Variants in KRI1 observed in about 807,000 individuals in gnomAD.
The protein encoded by KRI1 is protein KRI1 homolog.
Under a neutral mutation model 97.0 loss-of-function variants are expected in KRI1, and 83 were observed. The observed-to-expected ratio is 0.86, with a 90% confidence interval of 0.72 to 1.03. The LOEUF (loss-of-function observed/expected upper bound fraction) is 1.03. Among genes scored for constraint, KRI1 ranks in the 50% least tolerant of loss-of-function variants. KRI1 has a pLI of 0.00. For missense variants in KRI1, 916 were observed against 928.4 expected (o/e 0.99, Z 0.17); for synonymous variants, 371 against 363.5 (o/e 1.02, Z -0.23).
chr19:10,560,634 T>C (rs1267751862), intron 8 of KRI1, among the ~76,000 whole-genome samples, 186 bp from the exon 9 acceptor site: 1 of 152,172 alleles, frequency 6.6e-6, no homozygotes, highest in Admixed American at 6.5e-5. Flanking sequence ...CGTGTGATCA[T>C]AGCTCACTGC....
chr19:10,557,920 C>A, intron 14 of KRI1, 25 bp from the exon 15 acceptor site: 2 of 1,613,712 alleles, frequency 1.2e-6, no homozygotes, highest in East Asian at 2.2e-5. Flanking sequence ...AGGTCAGATC[C>A]CACCAGCCCC....
Position 10,553,825 on chromosome 19 carries a change from G to A in KRI1, c.*126C>T, listed in dbSNP as rs1916398838. The A allele has an allele frequency of 9.3e-6, 8 of 857,970 alleles. No individual in the cohort carries two copies. In the Middle Eastern group the frequency reaches 1.1e-3, roughly 113 times the overall value. 53.1% of individuals were successfully genotyped at this position (857,970 alleles called of 1,614,324 possible). ...TTTCACCTCGGCCTCCCAAAGTGCT[G>A]GGATTACAGGCGTGCCTGGCCACAG... is the stretch of plus-strand genomic sequence containing the variant. On this transcript the variant is annotated 3_prime_UTR_variant, in exon 19 of 19. Coordinates refer to ENST00000312962, the MANE Select transcript of KRI1 (RefSeq NM_023008.5).
intron 8 of KRI1, among the ~76,000 whole-genome samples, 194 bp from the exon 9 acceptor site, chr19:10,560,642 T>G (rs1055219497): frequency 6.6e-6 from 1 of 152,160 alleles, no homozygotes; most frequent in African/African-American, 2.4e-5. Context: ...CATAGCTCAC[T>G]GCAGACCCAA....
rs562739044 is a variant in KRI1, at chr19:10,555,300, T to G, written c.1667A>C (p.Lys556Thr). The change falls in exon 17 of 19, where the codon AAG becomes ACG. Residue 556 changes from lysine (K) to threonine (T), a missense_variant. Physicochemically the swap from Lys to Thr is moderately conservative, Grantham distance 78. Around this residue, in one of 3 missense-constraint regions of KRI1, gnomAD observed 672 missense variants for 667.2 expected, o/e 1.01. Coordinates refer to ENST00000312962, the MANE Select transcript of KRI1 (RefSeq NM_023008.5). ...GCCCCATCACCTGTACATGCAGGTC[T>G]TCTTTAGGGAGCACCACCGGTTCAG... Reference protein sequence around the residue: ...KELNRWCSLKKTCMYRSEQEE... With the variant: ...KELNRWCSLKTTCMYRSEQEE... The G allele has an allele frequency of 1.4e-5, 22 of 1,599,796 alleles. No individual in the cohort carries two copies. In the Middle Eastern group the frequency reaches 5.2e-4, roughly 38 times the overall value.
At position 10,559,607 on chromosome 19, in the gene KRI1, A is replaced by G. The variant is rs1303746536; in HGVS notation, c.1023+6T>C. ...GGGTCCTCCCCAGCTCACCCCCCAC[A>G]CTCACCCTCTTCTTTCGCTCCCGAG... On this transcript the variant is annotated splice_donor_region_variant and intron_variant, in intron 11 of 18. Transcript: ENST00000312962. 1 of 1,613,238 alleles carries G rather than the reference A, an allele frequency of 6.2e-7. No homozygotes were observed. The highest frequency in any genetic ancestry group is 1.7e-5 in the Admixed American group (1 of 59,920).
rs141422327 is a variant in KRI1, at chr19:10,553,678, T to C, written c.*273A>G. 2.2e-3 allele frequency: 894 copies of C among 399,842 alleles called. 18 individuals are homozygous for C. The East Asian group carries it at 0.033, about 15-fold the overall frequency. 24.8% of individuals were successfully genotyped at this position (399,842 alleles called of 1,614,324 possible). On this transcript the variant is annotated 3_prime_UTR_variant, in exon 19 of 19. Transcript: ENST00000312962. Reference sequence around the variant, plus strand: ...GTAGCCTCAAACTCATGGCCTTAAGTGATCTTCCTTCCCCAGCCTCCTGAG... The same window carrying C: ...GTAGCCTCAAACTCATGGCCTTAAGCGATCTTCCTTCCCCAGCCTCCTGAG...
Position 10,562,790 on chromosome 19 carries a change from T to A in KRI1, c.322A>T (p.Lys108Ter), listed in dbSNP as rs1916739726. 6.2e-7 allele frequency: 1 copy of A among 1,613,748 alleles called. No individual in the cohort carries two copies. Among genetic ancestry groups the A allele is most frequent in the South Asian group, 1.1e-5 (1 of 91,074 alleles). ...TTCAGGTACATGGGCCGCACTTTCT[T>A]CTGCTTCTCCAAGGCTTCTGGGTCC... ...EEDPEALEKQ[K>*]KVRPMYLKDY... Residue 108 changes from lysine to a stop codon, truncating the protein, a stop_gained, in exon 4 of 19, where the codon AAG becomes TAG. Coordinates refer to ENST00000312962, the MANE Select transcript of KRI1 (RefSeq NM_023008.5). LOFTEE classifies it high-confidence loss of function.
chr19:10,553,575 A>AT lies in KRI1; in HGVS notation c.*375dup, dbSNP rs147653121. 5.2e-3 allele frequency: 759 copies of AT among 147,114 alleles called. 5 individuals are homozygous for AT. Among genetic ancestry groups the AT allele is most frequent in the East Asian group, 0.036 (173 of 4,842 alleles). 9.1% of individuals were successfully genotyped at this position (147,114 alleles called of 1,614,324 possible). A position where few individuals can be genotyped will look rare whatever the true frequency, so the allele number is the denominator to read the frequency against. ...TACCCACAGCTACACGTGTTTTTTAATTTTTTTTTTTTTTTCAAGAGACAG... is the reference window on the plus strand; with the variant it reads ...TACCCACAGCTACACGTGTTTTTTAATTTTTTTTTTTTTTTTCAAGAGACAG... On this transcript the variant is annotated 3_prime_UTR_variant, in exon 19 of 19. Transcript: ENST00000312962.
rs1388396934 is a variant in KRI1, at chr19:10,559,722, GA to G, written c.928-15del. On this transcript the variant is annotated splice_polypyrimidine_tract_variant and intron_variant, in intron 10 of 18. Coordinates refer to ENST00000312962, the MANE Select transcript of KRI1 (RefSeq NM_023008.5). ...GTAGGTCTTGACCTAGGCGCAATCA[GA>G]AAAGCCCACAAGGGCCGCAGAGATG... 29 of 1,614,054 alleles carry G rather than the reference GA, an allele frequency of 1.8e-5. No individual in the cohort carries two copies. The highest frequency in any genetic ancestry group is 2.5e-5 in the Non-Finnish European group (29 of 1,180,018).
At chr19:10,558,276 C>T (rs192742841) in intron 12 of KRI1, 37 bp from the exon 13 acceptor site, 1 of 1,604,202 alleles carries the variant, frequency 6.2e-7, no homozygotes, top group African/African-American at 1.3e-5. Flanking sequence ...AGAGCCCACT[C>T]GAGACATAGG....
chr19:10,560,956 G>A (rs757430424), intron 8 of KRI1, 47 bp downstream of exon 8: 22 of 1,420,872 alleles, frequency 1.5e-5, no homozygotes, highest in Middle Eastern at 1.8e-4. Flanking sequence ...TTGGATGGAC[G>A]CGGAACACGC....
intron 14 of KRI1, 28 bp downstream of exon 14, chr19:10,557,944 T>C: frequency 6.2e-7 from 1 of 1,613,890 alleles, no homozygotes; most frequent in Non-Finnish European, 8.5e-7. Context: ...TCAGGGCCCC[T>C]GGGACTCCCT....
chr19:10,558,267 G>T (rs771943792), intron 12 of KRI1, 28 bp from the exon 13 acceptor site: 27 of 1,609,870 alleles, frequency 1.7e-5, no homozygotes, highest in Middle Eastern at 3.3e-4. Flanking sequence ...GCGGTTACCA[G>T]AGCCCACTCG....
intron 16 of KRI1, among the ~76,000 whole-genome samples, 168 bp from the exon 17 acceptor site, chr19:10,555,517 G>A (rs1916479494): frequency 6.6e-6 from 1 of 152,214 alleles, no homozygotes; most frequent in South Asian, 2.1e-4. Context: ...TTTTTGTAGA[G>A]GTCAGCAGAT....
chr19:10,555,530 G>A (rs1398289641), intron 16 of KRI1, among the ~76,000 whole-genome samples, 181 bp from the exon 17 acceptor site: 1 of 152,228 alleles, frequency 6.6e-6, no homozygotes, highest in Non-Finnish European at 1.5e-5. Context: ...CAGCAGATGG[G>A]GTAACTGAGG....
chr19:10,554,305 A>T, intron 18 of KRI1, 24 bp from the exon 19 acceptor site: 1 of 1,597,894 alleles, frequency 6.3e-7, no homozygotes, highest in Non-Finnish European at 8.6e-7. Context: ...GTCAGGGCTC[A>T]GCCCAGGCCT....
In KRI1 at chr19:10,560,988, T is replaced by C. The variant is rs7259124; in HGVS notation, c.663+15A>G. 364,137 of 1,600,184 alleles carry C rather than the reference T, an allele frequency of 0.23. 52,252 individuals carry two copies. Among genetic ancestry groups the C allele is most frequent in the East Asian group, 0.75 (33,419 of 44,776 alleles). On this transcript the variant is annotated intron_variant, in intron 8 of 18. Coordinates refer to ENST00000312962, the MANE Select transcript of KRI1 (RefSeq NM_023008.5). The stretch of plus-strand genomic sequence containing the variant: ...ACGCGGTCTACTCCATCAGCGACCA[T>C]GCGTGAGAACTCACCAGTTCCTTCA...
In KRI1 at chr19:10,562,850, C is replaced by T. The variant is rs1393842545; in HGVS notation, c.275-13G>A. The T allele has an allele frequency of 6.7e-7, 1 of 1,496,806 alleles. No individual in the cohort carries two copies. Among genetic ancestry groups the T allele is most frequent in the Non-Finnish European group, 9.3e-7 (1 of 1,072,988 alleles). 92.7% of individuals were successfully genotyped at this position (1,496,806 alleles called of 1,614,324 possible). A position where few individuals can be genotyped will look rare whatever the true frequency, so the allele number is the denominator to read the frequency against. On this transcript the variant is annotated splice_polypyrimidine_tract_variant and intron_variant, in intron 3 of 18. Coordinates refer to ENST00000312962, the MANE Select transcript of KRI1 (RefSeq NM_023008.5). ...TCTGATGACGATGCTGTTAACCCACCAAAGACACCTGCCATCACCCACAAC... is the reference window on the plus strand; with the variant it reads ...TCTGATGACGATGCTGTTAACCCACTAAAGACACCTGCCATCACCCACAAC...
rs373617837 is a variant in KRI1 at position 10,560,400 on chromosome 19, G to T, written c.712C>A (p.Arg238=). Residue 238 remains arginine (R), a synonymous_variant, in exon 9 of 19, where the codon CGG becomes AGG. Coordinates refer to ENST00000312962, the MANE Select transcript of KRI1 (RefSeq NM_023008.5). The part of the protein sequence containing the change: ...WNDPELDEGE[R]FLRDYILNKR... ...TTGAGGATGTAATCCCGCAGGAACC[G>T]CTCCCCTTCATCCAACTCAGGGTCG... 6 of 1,613,514 alleles carry T rather than the reference G, an allele frequency of 3.7e-6. No individual in the cohort carries two copies. Among genetic ancestry groups the T allele is most frequent in the Admixed American group, 3.3e-5 (2 of 59,934 alleles).
Sources: gnomAD v4.1 joint callset for allele counts (sites outside exome capture counted in the v4.1 genomes callset) on GRCh38, gnomAD v4.1.1 for gene constraint, gnomAD v4.1.1 regional missense constraint, MANE v1.5 for transcripts, NCBI Gene and HGNC (gene_info 2026-07-23, HGNC 2026-07-21) for gene names.